Variants in DRC4 observed in about 807,000 individuals in gnomAD.
DRC4 encodes the protein GAS-11.
chr16:90,044,325 GTC>G, the DRC4 span: 2 of 417,074 alleles, frequency 4.8e-6, no homozygotes, highest in Admixed American at 2.9e-5. Flanking sequence ...TCCTCGTAGA[GTC>G]TATTGCTGCC....
At chr16:90,040,361 A>G in the DRC4 span, 3,586 of 1,608,366 alleles carry the variant, frequency 2.2e-3, 6 homozygotes, top group Non-Finnish European at 2.7e-3. Context: ...GAGGTGCAGC[A>G]GAAGACAGGG....
At chr16:90,029,201 C>T in the DRC4 span, 18 of 1,355,664 alleles carry the variant, frequency 1.3e-5, no homozygotes, top group African/African-American at 9.4e-5. Context: ...GGGCAGCCTA[C>T]GGGGCAGGCT....
chr16:90,040,360 C>T, the DRC4 span: 1 of 1,607,908 alleles, frequency 6.2e-7, no homozygotes, highest in Non-Finnish European at 8.5e-7. Context: ...GGAGGTGCAG[C>T]AGAAGACAGG....
At chr16:90,028,062 A>ACATGTAG in the DRC4 span, 3 of 220,084 alleles carry the variant, frequency 1.4e-5, no homozygotes, top group African/African-American at 6.8e-5. Context: ...CGTAGAACAC[A>ACATGTAG]CATGTAGCAT....
the DRC4 span, among the ~76,000 whole-genome samples, chr16:90,022,388 G>A: frequency 1.1e-4 from 16 of 152,340 alleles, no homozygotes; most frequent in Admixed American, 4.6e-4. Context: ...CGTCTTTACT[G>A]AGCACGTGCT....
chr16:90,041,082 G>T, the DRC4 span, among the ~76,000 whole-genome samples: 2 of 152,194 alleles, frequency 1.3e-5, no homozygotes, highest in Non-Finnish European at 2.9e-5. Flanking sequence ...GTTGGGAGGT[G>T]GGGGAGGCGT....
At chr16:90,044,462 T>A in the DRC4 span, 14 of 469,108 alleles carry the variant, frequency 3.0e-5, no homozygotes, top group Non-Finnish European at 5.8e-5. Context: ...TCCCAGTGAG[T>A]CATGAGCCTC....
the DRC4 span, chr16:90,042,438 G>A: frequency 1.7e-5 from 28 of 1,608,684 alleles, no homozygotes; most frequent in Non-Finnish European, 1.7e-6. Context: ...CAAAAGATGA[G>A]TCTCAAACTC....
At chr16:90,037,593 C>G in the DRC4 span, among the ~76,000 whole-genome samples, 36 of 152,192 alleles carry the variant, frequency 2.4e-4, no homozygotes, top group African/African-American at 8.4e-4. Context: ...AGGCCCTCAT[C>G]TTCACCACGT....
chr16:90,020,812 G>A, the DRC4 span: 1 of 152,200 alleles, frequency 6.6e-6, no homozygotes, highest in African/African-American at 2.4e-5. Flanking sequence ...TTGCTGAAAG[G>A]AATTATTGTT....
At chr16:90,040,590 G>T in the DRC4 span, 2 of 1,359,096 alleles carry the variant, frequency 1.5e-6, no homozygotes, top group Non-Finnish European at 2.0e-6. Flanking sequence ...CTGCTCCTCG[G>T]ATAGGCACAG....
the DRC4 span, among the ~76,000 whole-genome samples, chr16:90,038,592 A>T: frequency 2.0e-5 from 3 of 152,128 alleles, no homozygotes; most frequent in East Asian, 5.8e-4. Flanking sequence ...GTTGAGTCTG[A>T]GGGTTCTGTT....
At chr16:90,043,363 C>A in the DRC4 span, 23 of 1,598,768 alleles carry the variant, frequency 1.4e-5, 1 homozygote, top group Admixed American at 6.8e-5. Flanking sequence ...CCTGGGGGGC[C>A]ACAGCCCAGA....
At chr16:90,041,374 G>A in the DRC4 span, among the ~76,000 whole-genome samples, 1 of 152,224 alleles carries the variant, frequency 6.6e-6, no homozygotes, top group Non-Finnish European at 1.5e-5. Context: ...GGGCAGCAGG[G>A]ACGGCTCTAA....
the DRC4 span, among the ~76,000 whole-genome samples, chr16:90,034,050 C>T: frequency 4.6e-5 from 7 of 151,938 alleles, no homozygotes; most frequent in Non-Finnish European, 1.0e-4. Context: ...GGGACTTTGA[C>T]CCTGGTGGAG....
chr16:90,032,058 G>T, the DRC4 span, among the ~76,000 whole-genome samples: 39,902 of 151,836 alleles, frequency 0.26, 5,631 homozygotes, highest in South Asian at 0.41. Flanking sequence ...GTGTAGTGCA[G>T]GCGACCAGGT....
the DRC4 span, chr16:90,022,758 G>A: frequency 7.3e-7 from 1 of 1,367,318 alleles, no homozygotes; most frequent in Non-Finnish European, 9.5e-7. Flanking sequence ...TGGGGTCCTC[G>A]GCAGGGGCCC....
chr16:90,044,508 A>G, the DRC4 span: 2 of 471,016 alleles, frequency 4.2e-6, no homozygotes, highest in African/African-American at 2.0e-5. Context: ...TCACCTCCAC[A>G]TGTGGGTAGA....
chr16:90,032,701 C>T, the DRC4 span: 11 of 1,612,772 alleles, frequency 6.8e-6, no homozygotes, highest in African/African-American at 1.2e-4. Context: ...GCAGATGGTA[C>T]TCCCATTGCC....
Sources: gnomAD v4.1 joint callset for allele counts (sites outside exome capture counted in the v4.1 genomes callset) on GRCh38, gnomAD v4.1.1 for gene constraint, MANE v1.5 for transcripts, NCBI Gene and HGNC (gene_info 2026-07-23, HGNC 2026-07-21) for gene names.